The following ENTREP1 variants were observed in gnomAD, a reference collection of about 807,000 sequenced individuals.
ENTREP1 encodes the protein Friedreich ataxia region gene X123.
the ENTREP1 span, among the ~76,000 whole-genome samples, chr9:69,357,236 A>G: frequency 2.2e-4 from 33 of 152,242 alleles, no homozygotes; most frequent in Admixed American, 1.8e-3. Context: ...TGAGACATGT[A>G]TGTTTTCACT....
the ENTREP1 span, among the ~76,000 whole-genome samples, chr9:69,345,762 G>A: frequency 2.6e-5 from 4 of 151,496 alleles, no homozygotes; most frequent in East Asian, 2.0e-4. Flanking sequence ...GCCACCATAC[G>A]TGGCTTAATT....
the ENTREP1 span, among the ~76,000 whole-genome samples, chr9:69,353,523 C>T: frequency 6.6e-6 from 1 of 152,210 alleles, no homozygotes; most frequent in South Asian, 2.1e-4. Flanking sequence ...CGTTCTTCTG[C>T]ATCACCATAA....
the ENTREP1 span, among the ~76,000 whole-genome samples, chr9:69,340,610 T>C: frequency 9.1e-5 from 13 of 143,292 alleles, no homozygotes; most frequent in Admixed American, 4.9e-4. Flanking sequence ...TGTGTGTGTG[T>C]GCATGTGTGT....
the ENTREP1 span, among the ~76,000 whole-genome samples, chr9:69,330,823 G>A: frequency 6.6e-6 from 1 of 152,246 alleles, no homozygotes; most frequent in African/African-American, 2.4e-5. Context: ...TTCTTCTTCA[G>A]TGCTGATTTT....
At chr9:69,372,771 G>A in the ENTREP1 span, among the ~76,000 whole-genome samples, 1 of 151,706 alleles carries the variant, frequency 6.6e-6, no homozygotes, top group African/African-American at 2.4e-5. Context: ...CATAGCAACT[G>A]CACCATTTAA....
At chr9:69,339,497 T>C in the ENTREP1 span, among the ~76,000 whole-genome samples, 1 of 152,204 alleles carries the variant, frequency 6.6e-6, no homozygotes. Flanking sequence ...GGGGATAATT[T>C]AGTGATACCA....
At chr9:69,336,230 CAT>C in the ENTREP1 span, 1 of 1,579,146 alleles carries the variant, frequency 6.3e-7, no homozygotes, top group Non-Finnish European at 8.7e-7. Flanking sequence ...TCTCTGGAAT[CAT>C]AGGATTAACA....
the ENTREP1 span, among the ~76,000 whole-genome samples, chr9:69,390,307 C>T: frequency 1.3e-5 from 2 of 152,168 alleles, no homozygotes; most frequent in African/African-American, 2.4e-5. Context: ...AATGATTGTG[C>T]TGTGATGTTA....
the ENTREP1 span, among the ~76,000 whole-genome samples, chr9:69,365,752 C>T: frequency 6.6e-6 from 1 of 152,000 alleles, no homozygotes; most frequent in Non-Finnish European, 1.5e-5. Context: ...GTTTAAGCTC[C>T]CACATGTGAA....
At chr9:69,324,782 C>A in the ENTREP1 span, 1 of 985,366 alleles carries the variant, frequency 1.0e-6, no homozygotes, top group Non-Finnish European at 1.2e-6. Context: ...GGGCCCCCTT[C>A]TCACTAAAGC....
chr9:69,377,570 G>A, the ENTREP1 span: 2 of 1,612,868 alleles, frequency 1.2e-6, no homozygotes, highest in Non-Finnish European at 1.7e-6. Context: ...CCGTGCCTTT[G>A]TAATGAAGGC....
At chr9:69,325,832 G>C in the ENTREP1 span, 3 of 1,206,084 alleles carry the variant, frequency 2.5e-6, no homozygotes, top group Non-Finnish European at 3.1e-6. Context: ...AGTTGGGGGA[G>C]CCTCACGCCA....
chr9:69,382,708 A>G, the ENTREP1 span: 3 of 152,260 alleles, frequency 2.0e-5, no homozygotes, highest in Non-Finnish European at 4.4e-5. Flanking sequence ...CATTTTGTAT[A>G]TAGCCACAAA....
chr9:69,325,680 C>T, the ENTREP1 span: 1 of 1,231,244 alleles, frequency 8.1e-7, no homozygotes, highest in African/African-American at 1.6e-5. Flanking sequence ...CTGAGCAGCT[C>T]CCCGCAGGTG....
the ENTREP1 span, among the ~76,000 whole-genome samples, chr9:69,341,863 C>T: frequency 1.3e-5 from 2 of 151,932 alleles, no homozygotes; most frequent in East Asian, 3.9e-4. Flanking sequence ...AATGCTGACA[C>T]GTTACCACTA....
At chr9:69,361,335 A>G in the ENTREP1 span, among the ~76,000 whole-genome samples, 1 of 152,042 alleles carries the variant, frequency 6.6e-6, no homozygotes, top group Non-Finnish European at 1.5e-5. Flanking sequence ...TTTTTCTACC[A>G]TAGGTTATTT....
the ENTREP1 span, chr9:69,324,708 C>G: frequency 2.1e-5 from 21 of 983,716 alleles, no homozygotes; most frequent in South Asian, 9.4e-4. Flanking sequence ...TACACCTCTT[C>G]CCATCGAGTC....
the ENTREP1 span, among the ~76,000 whole-genome samples, chr9:69,345,538 C>T: frequency 6.6e-6 from 1 of 152,056 alleles, no homozygotes; most frequent in Non-Finnish European, 1.5e-5. Flanking sequence ...TTAGTAAGTG[C>T]CTTTTAAGAG....
chr9:69,349,848 G>A, the ENTREP1 span, among the ~76,000 whole-genome samples: 1 of 152,206 alleles, frequency 6.6e-6, no homozygotes, highest in Non-Finnish European at 1.5e-5. Flanking sequence ...CATATCTCAT[G>A]TAACTTATTG....
Sources: allele counts gnomAD v4.1 joint callset (sites outside exome capture counted in the v4.1 genomes callset), GRCh38; gene constraint gnomAD v4.1.1; transcripts MANE v1.5; gene names NCBI Gene and HGNC (gene_info 2026-07-23, HGNC 2026-07-21).